Variants in HLCS observed in about 807,000 individuals in gnomAD.
HLCS encodes the protein biotin--protein ligase.
A neutral mutation model predicts 75.0 loss-of-function variants in HLCS; 53 were observed. That is an observed-to-expected ratio of 0.71 (90% CI 0.57 to 0.89). The LOEUF (loss-of-function observed/expected upper bound fraction) is 0.89, where lower values mean the gene tolerates loss of function less well. HLCS is among the 40% of genes least tolerant of loss of function. The pLI is 0.00. For synonymous variants in HLCS, 431 were observed against 428.6 expected, an observed-to-expected ratio of 1.01 and a Z score of -0.07; for missense variants, 966 against 1,074.0, an observed-to-expected ratio of 0.90 and a Z score of 1.41.
chr21:36,915,134 G>C (rs987771974), intron 5 of HLCS, among the ~76,000 whole-genome samples: 1 of 152,190 alleles, frequency 6.6e-6, no homozygotes, highest in Admixed American at 6.5e-5. Context: ...GGCTTCTTGT[G>C]GGGGCAGGGG....
At chr21:36,829,831 G>A (rs937834681) in intron 6 of HLCS, among the ~76,000 whole-genome samples, 3 of 152,172 alleles carry the variant, frequency 2.0e-5, no homozygotes, top group Admixed American at 1.3e-4. Flanking sequence ...GGGAAGGAGG[G>A]GCAGGCACGC....
At chr21:36,832,181 C>T (rs1173164175) in intron 6 of HLCS, among the ~76,000 whole-genome samples, 1 of 152,190 alleles carries the variant, frequency 6.6e-6, no homozygotes, top group Non-Finnish European at 1.5e-5. Flanking sequence ...TGTCCTATTA[C>T]TGGGCAAGTG....
At position 36,936,819 on chromosome 21, in the gene HLCS, G is replaced by C. The variant is rs766954692; in HGVS notation, c.1067C>G (p.Pro356Arg). The C allele has an allele frequency of 6.2e-7, 1 of 1,614,132 alleles. No individual in the cohort carries two copies. ...HLLEDSALRDPWTDNCLLLVI... is the reference protein window; with the variant it reads ...HLLEDSALRDRWTDNCLLLVI... ...CAACAGCAGACAGTTGTCCGTCCAC[G>C]GGTCTCTGAGAGCACTGTCCTCCAG... Residue 356 changes from proline to arginine, a missense_variant, in exon 4 of 11, where the codon CCG (proline) becomes CGG (arginine). Coordinates refer to ENST00000674895, the MANE Select transcript of HLCS (RefSeq NM_001352514.2).
chr21:36,988,224 T>C (rs906805005), intron 1 of HLCS, among the ~76,000 whole-genome samples: 1 of 152,228 alleles, frequency 6.6e-6, no homozygotes, highest in Non-Finnish European at 1.5e-5. Flanking sequence ...TTCTAGTTTT[T>C]TCTTCCTAGG....
In HLCS at chr21:36,936,934, C is replaced by T. The variant is rs138171491; in HGVS notation, c.952G>A (p.Asp318Asn). ...APNILLYVGS[D>N]SQEALGRFHE... ...AACCGGCCGAGGGCTTCCTGGGAGT[C>T]GGAGCCCACATAGAGGAGGATGTTG... is the stretch of plus-strand genomic sequence containing the variant. Residue 318 changes from aspartate to asparagine, a missense_variant, in exon 4 of 11, where the codon GAC becomes AAC. Coordinates refer to ENST00000674895, the MANE Select transcript of HLCS (RefSeq NM_001352514.2). The T allele has an allele frequency of 8.7e-6, 14 of 1,614,004 alleles. No individual in the cohort carries two copies. Among genetic ancestry groups the T allele is most frequent in the African/African-American group, 1.3e-5 (1 of 74,908 alleles).
At chr21:36,855,703 A>G (rs1211441916) in intron 6 of HLCS, among the ~76,000 whole-genome samples, 4 of 152,070 alleles carry the variant, frequency 2.6e-5, no homozygotes, top group African/African-American at 9.7e-5. Context: ...CAGTCTCCCA[A>G]GTAGCTGGGA....
At chr21:36,933,332 C>T (rs889232807) in intron 4 of HLCS, among the ~76,000 whole-genome samples, 7 of 152,018 alleles carry the variant, frequency 4.6e-5, no homozygotes, top group Admixed American at 1.3e-4. Context: ...ATATCCTCAC[C>T]TGATGTCAGG....
At chr21:36,871,049 G>C (rs1459691883) in intron 6 of HLCS, among the ~76,000 whole-genome samples, 1 of 152,182 alleles carries the variant, frequency 6.6e-6, no homozygotes, top group Non-Finnish European at 1.5e-5. Context: ...ACACGAGGTA[G>C]AACATTTTAC....
chr21:36,838,640 C>T (rs1601461623), intron 6 of HLCS, among the ~76,000 whole-genome samples: 2 of 151,176 alleles, frequency 1.3e-5, no homozygotes, highest in African/African-American at 2.4e-5. Context: ...GGAGGCAGAG[C>T]TTGCAGTGAG....
chr21:36,896,984 T>C lies in HLCS; in HGVS notation c.1768A>G (p.Met590Val), dbSNP rs1174102792. Residue 590 changes from methionine to valine, a missense_variant, in exon 6 of 11, where the codon ATG (methionine) becomes GTG (valine). Coordinates refer to ENST00000674895, the MANE Select transcript of HLCS (RefSeq NM_001352514.2). ...TPSCIPVVTN[M>V]EAFSSEHFNL... is the part of the protein sequence containing the mutation. ...AAATGTTCTGATGAGAAGGCCTCCA[T>C]GTTGGTCACCACAGGTATACAAGAT... 3 of 1,614,096 alleles carry C rather than the reference T, an allele frequency of 1.9e-6. No homozygotes were observed. Among genetic ancestry groups the C allele is most frequent in the East Asian group, 2.2e-5 (1 of 44,896 alleles).
chr21:36,841,310 T>C (rs1233305366), intron 6 of HLCS, among the ~76,000 whole-genome samples: 1 of 152,214 alleles, frequency 6.6e-6, no homozygotes, highest in Non-Finnish European at 1.5e-5. Flanking sequence ...TAAACCACTG[T>C]CCGAATAGTA....
chr21:36,793,824 G>C (rs969738113), intron 6 of HLCS, among the ~76,000 whole-genome samples: 1 of 152,208 alleles, frequency 6.6e-6, no homozygotes, highest in Non-Finnish European at 1.5e-5. Flanking sequence ...GGCTGCTGGT[G>C]CAATATTGTC....
chr21:36,759,885 A>G, intron 8 of HLCS, 44 bp from the exon 9 acceptor site: 1 of 1,229,560 alleles, frequency 8.1e-7, no homozygotes, highest in Non-Finnish European at 1.2e-6. Flanking sequence ...ACAGGACACA[A>G]GGGGCCCAGG....
intron 6 of HLCS, among the ~76,000 whole-genome samples, chr21:36,867,141 A>G (rs1392503258): frequency 6.6e-6 from 1 of 152,218 alleles, no homozygotes; most frequent in Non-Finnish European, 1.5e-5. Flanking sequence ...CCCAGTTCCC[A>G]TAAAAGAGAA....
intron 6 of HLCS, among the ~76,000 whole-genome samples, chr21:36,773,164 T>TA (rs1212577411): frequency 2.6e-5 from 4 of 152,330 alleles, no homozygotes; most frequent in Non-Finnish European, 5.9e-5. Flanking sequence ...TAAATCCTAT[T>TA]AAAAAAAGAT....
intron 6 of HLCS, among the ~76,000 whole-genome samples, chr21:36,818,327 G>C (rs958977349): frequency 2.0e-5 from 3 of 152,190 alleles, no homozygotes; most frequent in African/African-American, 4.8e-5. Flanking sequence ...AGGCCGTGAT[G>C]AATGAGAACT....
intron 6 of HLCS, among the ~76,000 whole-genome samples, chr21:36,799,703 G>T (rs960307183): frequency 6.6e-6 from 1 of 152,106 alleles, no homozygotes; most frequent in African/African-American, 2.4e-5. Context: ...GAAGTGCTGG[G>T]TCTCCCCAGC....
chr21:36,936,576 C>T lies in HLCS; in HGVS notation c.1310G>A (p.Arg437Lys), dbSNP rs1268134337. The T allele has an allele frequency of 2.5e-6, 4 of 1,614,100 alleles. No individual in the cohort carries two copies. Among genetic ancestry groups the T allele is most frequent in the Non-Finnish European group, 3.4e-6 (4 of 1,180,048 alleles). Residue 437 changes from arginine to lysine, a missense_variant, in exon 4 of 11, where the codon AGG (arginine) becomes AAG (lysine). Physicochemically the swap from Arg to Lys is conservative, Grantham distance 26. Coordinates refer to ENST00000674895, the MANE Select transcript of HLCS (RefSeq NM_001352514.2). ...VKLSVLSSGC[R>K]YQEGPVRLSP... is the part of the protein sequence containing the mutation. ...GAGCCGGACGGGGCCTTCCTGGTACCTGCAGCCACTGCTCAAGACGCTGAG... is the reference window on the plus strand; with the variant it reads ...GAGCCGGACGGGGCCTTCCTGGTACTTGCAGCCACTGCTCAAGACGCTGAG...
chr21:36,906,049 C>CA (rs71328521), intron 5 of HLCS, among the ~76,000 whole-genome samples: 12,819 of 92,542 alleles, frequency 0.14, 1,469 homozygotes, highest in East Asian at 0.32. Context: ...GACTCCATCT[C>CA]AAAAAAAAAA....
Sources: allele counts gnomAD v4.1 joint callset (sites outside exome capture counted in the v4.1 genomes callset), GRCh38; gene constraint gnomAD v4.1.1; transcripts MANE v1.5; gene names NCBI Gene and HGNC (gene_info 2026-07-23, HGNC 2026-07-21).